VWA8: variants seen among roughly 807,000 people sequenced by gnomAD.
The protein encoded by VWA8 is von Willebrand factor A domain-containing protein 8.
Under a neutral mutation model 241.5 loss-of-function variants are expected in VWA8, and 221 were observed. That is an observed-to-expected ratio of 0.91 (90% CI 0.82 to 1.02). VWA8 has a LOEUF of 1.02. Ranked by LOEUF, VWA8 falls within the 50% of genes least tolerant of loss-of-function variation. VWA8 has a pLI of 0.00. For synonymous variants in VWA8, 852 were observed against 827.1 expected (o/e 1.03, Z -0.52); for missense variants, 2,322 against 2,328.7 (o/e 1.00, Z 0.06).
chr13:41,718,342 T>C (rs998842994), intron 26 of VWA8, among the ~76,000 whole-genome samples: 1 of 151,888 alleles, frequency 6.6e-6, no homozygotes. Context: ...AACTCTCTTA[T>C]ACAGACAATT....
chr13:41,863,480 A>T (rs1873143639), intron 12 of VWA8, among the ~76,000 whole-genome samples: 1 of 141,586 alleles, frequency 7.1e-6, no homozygotes, highest in African/African-American at 2.5e-5. Flanking sequence ...CACTATATAT[A>T]TTAGTTCTGT....
At chr13:41,919,961 C>A (rs967664928) in intron 2 of VWA8, among the ~76,000 whole-genome samples, 2 of 152,146 alleles carry the variant, frequency 1.3e-5, no homozygotes, top group South Asian at 2.1e-4. Flanking sequence ...GGCCAAAGGG[C>A]CTTTCCTCCC....
chr13:41,709,602 T>C (rs113432857), intron 26 of VWA8, among the ~76,000 whole-genome samples: 26 of 152,292 alleles, frequency 1.7e-4, no homozygotes, highest in African/African-American at 4.8e-4. Flanking sequence ...TTTCTTAAAA[T>C]GTCTCCAGTG....
At chr13:41,607,341 A>AT (rs1038985447) in intron 39 of VWA8, among the ~76,000 whole-genome samples, 1 of 152,182 alleles carries the variant, frequency 6.6e-6, no homozygotes, top group Non-Finnish European at 1.5e-5. Flanking sequence ...GCCTTTCTAA[A>AT]TCTAATTAAC....
intron 1 of VWA8, among the ~76,000 whole-genome samples, chr13:41,952,269 C>G (rs1878169840): frequency 6.6e-6 from 1 of 152,168 alleles, no homozygotes; most frequent in Admixed American, 6.6e-5. Flanking sequence ...CGTTTAAGTT[C>G]TAACACCCTC....
intron 10 of VWA8, among the ~76,000 whole-genome samples, chr13:41,868,139 A>T (rs1335741674): frequency 6.6e-6 from 1 of 152,136 alleles, no homozygotes; most frequent in Non-Finnish European, 1.5e-5. Flanking sequence ...TCAACTTTGA[A>T]TTTTTGATGA....
At chr13:41,834,024 T>C (rs1356309817) in intron 12 of VWA8, among the ~76,000 whole-genome samples, 1 of 152,204 alleles carries the variant, frequency 6.6e-6, no homozygotes, top group Non-Finnish European at 1.5e-5. Context: ...TGAAAAGCTA[T>C]GCTAGGACCA....
At chr13:41,863,685 A>G (rs1361225857) in intron 12 of VWA8, among the ~76,000 whole-genome samples, 1 of 151,940 alleles carries the variant, frequency 6.6e-6, no homozygotes, top group African/African-American at 2.4e-5. Context: ...ACATGGATGT[A>G]GCTAGAGGAC....
rs80304595 is a variant in VWA8, at chr13:41,654,895, A to C, written c.4611+16051T>G. ...GGAACTGTTCAGATTGAAAGACACC[A>C]AAGAGACATGTAAAGTAAATGTAAT... On this transcript the variant is annotated intron_variant, in intron 37 of 44. Transcript: ENST00000379310. Among the ~76,000 whole-genome samples the C allele has an allele frequency of 1.2e-3, 176 of 152,308 alleles. 2 individuals are homozygous for C. The East Asian group carries it at 0.026, about 23-fold the overall frequency.
At chr13:41,903,712 C>T (rs1168837296) in intron 4 of VWA8, among the ~76,000 whole-genome samples, 1 of 152,114 alleles carries the variant, frequency 6.6e-6, no homozygotes, top group Non-Finnish European at 1.5e-5. Context: ...GACAAACATT[C>T]GATCCTATAG....
chr13:41,822,487 G>A (rs1239508841), intron 14 of VWA8, among the ~76,000 whole-genome samples: 1 of 152,182 alleles, frequency 6.6e-6, no homozygotes, highest in Non-Finnish European at 1.5e-5. Context: ...CCAGGGTCTA[G>A]TGTAATACTT....
At chr13:41,857,530 T>C (rs1159794137) in intron 12 of VWA8, among the ~76,000 whole-genome samples, 3 of 152,226 alleles carry the variant, frequency 2.0e-5, no homozygotes, top group African/African-American at 7.2e-5. Context: ...CTTACTAAAG[T>C]AACTATTCTA....
At chr13:41,609,928 C>T (rs2044576747) in intron 39 of VWA8, among the ~76,000 whole-genome samples, 1 of 152,184 alleles carries the variant, frequency 6.6e-6, no homozygotes. Context: ...ACAGATGCCC[C>T]TTACTTCTTC....
chr13:41,617,940 G>A (rs547870709), intron 37 of VWA8, among the ~76,000 whole-genome samples: 5 of 151,952 alleles, frequency 3.3e-5, no homozygotes, highest in Admixed American at 6.6e-5. Context: ...ATAAACATAC[G>A]TGTGCATGTG....
At chr13:41,871,838 G>A (rs1310911687) in intron 9 of VWA8, among the ~76,000 whole-genome samples, 1 of 152,170 alleles carries the variant, frequency 6.6e-6, no homozygotes, top group Non-Finnish European at 1.5e-5. Flanking sequence ...GGATGGCTGG[G>A]TCAAATGGTA....
chr13:41,639,099 A>G (rs572697795), intron 37 of VWA8, among the ~76,000 whole-genome samples: 1 of 152,110 alleles, frequency 6.6e-6, no homozygotes, highest in African/African-American at 2.4e-5. Flanking sequence ...CAGTAGTTTG[A>G]GGTTTGAAGA....
intron 37 of VWA8, among the ~76,000 whole-genome samples, chr13:41,642,774 A>C (rs12869850): frequency 0.041 from 6,126 of 150,964 alleles, 157 homozygotes; most frequent in South Asian, 0.078. Flanking sequence ...ACTAAAAATA[A>C]GAAGATTAGC....
At chr13:41,610,656 T>C (rs4942068) in intron 39 of VWA8, among the ~76,000 whole-genome samples, 28,936 of 152,218 alleles carry the variant, frequency 0.19, 3,042 homozygotes, top group East Asian at 0.38. Flanking sequence ...AACTCATACA[T>C]TTTAGCATGC....
At chr13:41,767,804 T>C (rs1449503561) in intron 20 of VWA8, among the ~76,000 whole-genome samples, 1 of 152,254 alleles carries the variant, frequency 6.6e-6, no homozygotes, top group Non-Finnish European at 1.5e-5. Flanking sequence ...ACTGTGTTGC[T>C]ATAAATGGCA....
Sources: allele counts gnomAD v4.1 joint callset (sites outside exome capture counted in the v4.1 genomes callset), GRCh38; gene constraint gnomAD v4.1.1; transcripts MANE v1.5; gene names NCBI Gene and HGNC (gene_info 2026-07-23, HGNC 2026-07-21).